EHMT1: variants seen among roughly 807,000 people sequenced by gnomAD.
The protein encoded by EHMT1 is histone-lysine N-methyltransferase EHMT1.
A neutral mutation model predicts 147.2 loss-of-function variants in EHMT1; 15 were observed. That is an observed-to-expected ratio of 0.10 (90% CI 0.07 to 0.16). The LOEUF (loss-of-function observed/expected upper bound fraction) is 0.16, where lower values mean the gene tolerates loss of function less well. Ranked by LOEUF, EHMT1 falls within the 10% of genes least tolerant of loss-of-function variation. The pLI is 1.00. For synonymous variants in EHMT1, 795 were observed against 709.6 expected (o/e 1.12, Z -1.91); for missense variants, 1,587 against 1,772.4 (o/e 0.90, Z 1.88).
At chr9:137,651,242 A>C (rs567379026) in intron 1 of EHMT1, among the ~76,000 whole-genome samples, 1 of 152,310 alleles carries the variant, frequency 6.6e-6, no homozygotes, top group East Asian at 1.9e-4. Context: ...TTTGAAGCAC[A>C]AACATTTTTA....
chr9:137,774,798 G>A (rs1564735028), intron 10 of EHMT1, among the ~76,000 whole-genome samples: 1 of 150,698 alleles, frequency 6.6e-6, no homozygotes, highest in African/African-American at 2.4e-5. Flanking sequence ...GTGTGGGCAC[G>A]CCTGGCCCCC....
At chr9:137,749,053 G>A (rs920697909) in intron 6 of EHMT1, among the ~76,000 whole-genome samples, 2 of 152,122 alleles carry the variant, frequency 1.3e-5, no homozygotes, top group Admixed American at 1.3e-4. Flanking sequence ...GGTGTCCAGA[G>A]TTGTGTCCTG....
At chr9:137,716,546 G>A in intron 2 of EHMT1, 80 bp from the exon 3 acceptor site, 1 of 1,389,962 alleles carries the variant, frequency 7.2e-7, no homozygotes, top group Admixed American at 2.3e-5. Flanking sequence ...TGGTGTCATG[G>A]TGGGGGAGGA....
chr9:137,646,495 C>A, intron 1 of EHMT1: 1 of 965,112 alleles, frequency 1.0e-6, no homozygotes, highest in Non-Finnish European at 1.2e-6. Context: ...GAGAGAGGAG[C>A]TAGTCAGCAG....
intron 1 of EHMT1, among the ~76,000 whole-genome samples, chr9:137,667,989 C>T (rs1939870276): frequency 6.6e-6 from 1 of 152,124 alleles, no homozygotes; most frequent in South Asian, 2.1e-4. Flanking sequence ...AGAGGGACTG[C>T]ACCTTGTACA....
At chr9:137,621,282 A>G (rs539186413) in intron 1 of EHMT1, among the ~76,000 whole-genome samples, 1 of 152,316 alleles carries the variant, frequency 6.6e-6, no homozygotes, top group South Asian at 2.1e-4. Flanking sequence ...AACCTGGGAA[A>G]TGATTCCTGG....
Position 137,813,415 on chromosome 9 carries a change from C to A in EHMT1, c.3065C>A (p.Pro1022His). 6.2e-7 allele frequency: 1 copy of A among 1,613,356 alleles called. No homozygotes were observed. The highest frequency in any genetic ancestry group is 8.5e-7 in the Non-Finnish European group (1 of 1,179,846). Reference protein sequence around the residue: ...RDIARGYERIPIPCVNAVDSE... With the variant: ...RDIARGYERIHIPCVNAVDSE... Reference sequence around the variant, plus strand: ...ATCGCTCGAGGCTACGAGCGCATCCCCATCCCCTGTGTCAACGCCGTGGAC... The same window carrying A: ...ATCGCTCGAGGCTACGAGCGCATCCACATCCCCTGTGTCAACGCCGTGGAC... The change falls in exon 21 of 27, where the codon CCC becomes CAC. Residue 1022 changes from proline (P) to histidine (H), a missense_variant. Pro to His is a moderately conservative substitution (Grantham distance 77). This residue lies in a region of EHMT1 where 78 missense variants were observed against 68.9 expected (regional missense o/e 1.13). Coordinates refer to ENST00000460843, the MANE Select transcript of EHMT1 (RefSeq NM_024757.5). The surrounding 1 kb of genome is among the most constrained non-coding windows in gnomAD (Gnocchi z 4.9).
chr9:137,714,682 A>G (rs573905096), intron 2 of EHMT1, among the ~76,000 whole-genome samples: 2 of 150,498 alleles, frequency 1.3e-5, no homozygotes, highest in East Asian at 2.0e-4. Flanking sequence ...CCTCCTGAGT[A>G]TCTGGGACTA....
chr9:137,622,032 G>A (rs1338769050), intron 1 of EHMT1, among the ~76,000 whole-genome samples: 3 of 149,630 alleles, frequency 2.0e-5, no homozygotes, highest in Non-Finnish European at 3.0e-5. Flanking sequence ...TGTTACATAT[G>A]TATACATGTG....
At chr9:137,713,526 C>T (rs1276897179) in intron 2 of EHMT1, among the ~76,000 whole-genome samples, 1 of 151,764 alleles carries the variant, frequency 6.6e-6, no homozygotes, top group Non-Finnish European at 1.5e-5. Flanking sequence ...CCGCCTTGGC[C>T]TCCCAAAGTG....
At chr9:137,665,191 C>T (rs1939499350) in intron 1 of EHMT1, among the ~76,000 whole-genome samples, 1 of 152,090 alleles carries the variant, frequency 6.6e-6, no homozygotes. Flanking sequence ...AAAAATATTC[C>T]CTATTTTTAT....
rs767491140 is a variant in EHMT1 at position 137,743,920 on chromosome 9, G to A, written c.1000G>A (p.Ala334Thr). Reference protein sequence around the residue: ...VGSKGEKDLGASSLHVNGESL... With the variant: ...VGSKGEKDLGTSSLHVNGESL... ...GTTCTAGGGGGAGAAGGACCTGGGC[G>A]CCAGCAGCCTGCACGTGAATGGGGA... is the stretch of plus-strand genomic sequence containing the variant. The change falls in exon 6 of 27, where the codon GCC becomes ACC. Residue 334 changes from alanine to threonine, a missense_variant. Ala to Thr is a moderately conservative substitution (Grantham distance 58, BLOSUM62 0). Transcript: ENST00000460843. 9 of 1,612,766 alleles carry A rather than the reference G, an allele frequency of 5.6e-6. No homozygotes were observed. Among genetic ancestry groups the A allele is most frequent in the Non-Finnish European group, 7.6e-6 (9 of 1,179,694 alleles).
At chr9:137,679,971 T>C (rs1293698438) in intron 1 of EHMT1, among the ~76,000 whole-genome samples, 1 of 152,242 alleles carries the variant, frequency 6.6e-6, no homozygotes, top group Non-Finnish European at 1.5e-5. Flanking sequence ...CTCCCAGTAC[T>C]TAGCCAGCTG....
chr9:137,667,958 A>T (rs957639185), intron 1 of EHMT1, among the ~76,000 whole-genome samples: 18 of 152,208 alleles, frequency 1.2e-4, no homozygotes, highest in Non-Finnish European at 1.0e-4. Context: ...GAATTGTGGC[A>T]GATGGCACAT....
intron 1 of EHMT1, among the ~76,000 whole-genome samples, chr9:137,686,539 AC>A (rs1196431818): frequency 1.3e-5 from 2 of 150,976 alleles, no homozygotes; most frequent in Non-Finnish European, 2.9e-5. Flanking sequence ...ACAGGTGTGC[AC>A]CCCCATCCCC....
chr9:137,683,674 A>C (rs1289223755), intron 1 of EHMT1, among the ~76,000 whole-genome samples: 1 of 152,240 alleles, frequency 6.6e-6, no homozygotes, highest in Non-Finnish European at 1.5e-5. Context: ...ATATGTGTAA[A>C]TTATACCTTT....
intron 8 of EHMT1, among the ~76,000 whole-genome samples, chr9:137,756,889 T>G (rs534183944): frequency 3.9e-5 from 6 of 152,358 alleles, no homozygotes; most frequent in African/African-American, 1.4e-4. Flanking sequence ...GGTGGTTGAC[T>G]TTTCCTGTCT....
chr9:137,646,349 G>C, intron 1 of EHMT1: 1 of 985,524 alleles, frequency 1.0e-6, no homozygotes, highest in Non-Finnish European at 1.2e-6. Flanking sequence ...TACCTGGCCT[G>C]AGGAACATTT....
intron 3 of EHMT1, among the ~76,000 whole-genome samples, chr9:137,723,851 C>T (rs749850960): frequency 4.6e-5 from 7 of 152,222 alleles, no homozygotes; most frequent in African/African-American, 9.7e-5. Context: ...TGCAGTCTCA[C>T]GATCCCGTGG....
Sources: allele counts gnomAD v4.1 joint callset (sites outside exome capture counted in the v4.1 genomes callset), GRCh38; gene constraint gnomAD v4.1.1; regional missense constraint gnomAD v4.1.1; non-coding constraint Gnocchi (gnomAD v3.1); transcripts MANE v1.5; gene names NCBI Gene and HGNC (gene_info 2026-07-23, HGNC 2026-07-21).